Variants in FAM20C observed in about 807,000 individuals in gnomAD.
FAM20C encodes the protein extracellular serine/threonine protein kinase FAM20C.
FAM20C carries 40 observed loss-of-function variants against 51.5 expected under a neutral mutation model. The observed-to-expected ratio is 0.78, with a 90% confidence interval of 0.60 to 1.01. FAM20C has a LOEUF of 1.01. Among genes scored for constraint, FAM20C ranks in the 50% least tolerant of loss-of-function variants. The pLI is 0.00. For synonymous variants in FAM20C, 406 were observed against 380.6 expected (o/e 1.07, Z -0.78); for missense variants, 861 against 844.7 (o/e 1.02, Z -0.24).
intron 9 of FAM20C, among the ~76,000 whole-genome samples, chr7:259,060 G>A (rs1032951986): frequency 1.2e-4 from 19 of 152,232 alleles, no homozygotes; most frequent in East Asian, 3.8e-4. Flanking sequence ...CACCTTCTGC[G>A]GGGGTTCAGA....
At chr7:228,894 C>T (rs976611261) in intron 3 of FAM20C, 6 of 435,304 alleles carry the variant, frequency 1.4e-5, no homozygotes, top group African/African-American at 1.2e-4. Context: ...GGGATTCCTC[C>T]TCCTCAAACT....
At chr7:204,670 G>A (rs1405815708) in intron 2 of FAM20C, among the ~76,000 whole-genome samples, 1 of 152,260 alleles carries the variant, frequency 6.6e-6, no homozygotes, top group African/African-American at 2.4e-5. Context: ...CCTTTGCCGT[G>A]GTGAGCGCCC....
rs368904957 is a variant in FAM20C at position 206,123 on chromosome 7, G to A, written c.785-2775G>A. Reference sequence around the variant, plus strand: ...CGTCATCCCAGGCTGGCTGGGTTCCGTCTTCCTTCCATGACATTCCCTCTC... The same window carrying A: ...CGTCATCCCAGGCTGGCTGGGTTCCATCTTCCTTCCATGACATTCCCTCTC... On this transcript the variant is annotated intron_variant, in intron 2 of 9. Coordinates refer to ENST00000313766, the MANE Select transcript of FAM20C (RefSeq NM_020223.4). Among the ~76,000 whole-genome samples, 16 of 152,228 alleles carry A rather than the reference G, an allele frequency of 1.1e-4. No individual in the cohort carries two copies. In the East Asian group the frequency reaches 1.7e-3, roughly 17 times the overall value.
At chr7:232,398 G>C (rs1787728618) in intron 3 of FAM20C, among the ~76,000 whole-genome samples, 1 of 152,224 alleles carries the variant, frequency 6.6e-6, no homozygotes, top group Admixed American at 6.5e-5. Flanking sequence ...TCCCTGGACA[G>C]AGCAACCCTC....
chr7:244,528 T>A (rs1050681150), intron 3 of FAM20C, among the ~76,000 whole-genome samples: 2 of 152,312 alleles, frequency 1.3e-5, no homozygotes, highest in Middle Eastern at 3.4e-3. Context: ...AACCTCAGGA[T>A]CCCGGCCAGT....
intron 3 of FAM20C, among the ~76,000 whole-genome samples, chr7:236,069 G>A (rs1705051456): frequency 6.6e-6 from 1 of 152,190 alleles, no homozygotes; most frequent in African/African-American, 2.4e-5. Flanking sequence ...AGAAGGAGAG[G>A]CTGCCAGGTG....
At chr7:241,662 ATGTG>A (rs1175602184) in intron 3 of FAM20C, among the ~76,000 whole-genome samples, 1 of 151,350 alleles carries the variant, frequency 6.6e-6, no homozygotes, top group Admixed American at 6.6e-5. Flanking sequence ...ATGTGCATGA[ATGTG>A]TGTACGCACA....
intron 1 of FAM20C, chr7:195,236 C>A (rs1006511108): frequency 5.6e-5 from 16 of 286,256 alleles, no homozygotes; most frequent in African/African-American, 3.5e-4. Flanking sequence ...TTTCGGTGAC[C>A]CTGGGACAGA....
At chr7:244,211 C>T (rs1336114590) in intron 3 of FAM20C, among the ~76,000 whole-genome samples, 1 of 152,068 alleles carries the variant, frequency 6.6e-6, no homozygotes, top group Admixed American at 6.6e-5. Context: ...ACGTAAGGCT[C>T]GAAGTTTACA....
intron 3 of FAM20C, among the ~76,000 whole-genome samples, chr7:243,940 T>TAAG (rs1562390969): frequency 7.4e-6 from 1 of 135,864 alleles, no homozygotes. Flanking sequence ...ATAATAATAA[T>TAAG]AATAATTATT....
intron 3 of FAM20C, among the ~76,000 whole-genome samples, chr7:231,775 C>G (rs1787699719): frequency 6.6e-6 from 1 of 152,140 alleles, no homozygotes; most frequent in African/African-American, 2.4e-5. Flanking sequence ...GGCACCGGGT[C>G]TTTTTCTGCC....
chr7:209,633 A>G (rs912390524), intron 3 of FAM20C, among the ~76,000 whole-genome samples: 2 of 152,054 alleles, frequency 1.3e-5, no homozygotes, highest in Admixed American at 1.3e-4. Context: ...ACACCTGGCC[A>G]CCCCAGGAAG....
chr7:231,753 T>TA (rs1787698593), intron 3 of FAM20C, among the ~76,000 whole-genome samples: 2 of 152,168 alleles, frequency 1.3e-5, no homozygotes, highest in African/African-American at 4.8e-5. Flanking sequence ...TCCCAGCTCT[T>TA]ACGGCCTCTC....
At chr7:247,936 C>T (rs1788234056) in intron 4 of FAM20C, among the ~76,000 whole-genome samples, 1 of 152,264 alleles carries the variant, frequency 6.6e-6, no homozygotes, top group Non-Finnish European at 1.5e-5. Flanking sequence ...CTGCATTCTC[C>T]ATTTAATTAA....
Position 260,027 on chromosome 7 carries a change from A to G in FAM20C, c.*47A>G, listed in dbSNP as rs1788820213. 2 of 1,451,486 alleles carry G rather than the reference A, an allele frequency of 1.4e-6. No homozygotes were observed. Among genetic ancestry groups the G allele is most frequent in the South Asian group, 2.8e-5 (2 of 71,748 alleles). The allele number at this position is 1,451,486 out of a possible 1,614,324, so 89.9% of individuals were successfully genotyped here. ...CCCGGGACGGAGACAGAGGCGCCGGACCTCCCAGCAAGCGCATGCGCCCGT... is the reference window on the plus strand; with the variant it reads ...CCCGGGACGGAGACAGAGGCGCCGGGCCTCCCAGCAAGCGCATGCGCCCGT... On this transcript the variant is annotated 3_prime_UTR_variant, in exon 10 of 10. Coordinates refer to ENST00000313766, the MANE Select transcript of FAM20C (RefSeq NM_020223.4).
intron 3 of FAM20C, among the ~76,000 whole-genome samples, chr7:232,862 G>A (rs899443167): frequency 3.6e-4 from 55 of 152,316 alleles, no homozygotes; most frequent in African/African-American, 1.1e-3. Context: ...CCTGGATTTC[G>A]GAGAAACAAC....
rs947367748 is a variant in FAM20C at position 247,162 on chromosome 7, C to A, written c.956+655C>A. The stretch of plus-strand genomic sequence containing the variant: ...GTTTGTGATGAGGGGGCCTGGGAGG[C>A]CCCACGGTCGCCTGTCTCCAGAGGG... On this transcript the variant is annotated intron_variant, in intron 4 of 9. Coordinates refer to ENST00000313766, the MANE Select transcript of FAM20C (RefSeq NM_020223.4). Among the ~76,000 whole-genome samples, 36 of 152,208 alleles carry A rather than the reference C, an allele frequency of 2.4e-4. 1 individual carries two copies. The highest frequency in any genetic ancestry group is 4.4e-5 in the Non-Finnish European group (3 of 68,016).
intron 3 of FAM20C, 94 bp downstream of exon 3, chr7:209,070 C>G (rs1786583282): frequency 7.6e-7 from 1 of 1,317,364 alleles, no homozygotes; most frequent in Non-Finnish European, 1.1e-6. Context: ...TGTCTCCTCC[C>G]AGGGTGTTTT....
chr7:256,790 C>T, intron 7 of FAM20C, 27 bp downstream of exon 7: 3 of 1,528,282 alleles, frequency 2.0e-6, no homozygotes, highest in Non-Finnish European at 2.6e-6. Context: ...CACGGGGTCC[C>T]CGTGTCACTC....
Sources: gnomAD v4.1 joint callset for allele counts (sites outside exome capture counted in the v4.1 genomes callset) on GRCh38, gnomAD v4.1.1 for gene constraint, MANE v1.5 for transcripts, NCBI Gene and HGNC (gene_info 2026-07-23, HGNC 2026-07-21) for gene names.